The following CDKL5 variants were observed in gnomAD, a reference collection of about 807,000 sequenced individuals.
CDKL5 encodes the protein cyclin-dependent kinase-like 5.
In CDKL5, 8 loss-of-function variants were observed where a neutral mutation model predicts 61.7. That is an observed-to-expected ratio of 0.13 (90% confidence interval 0.08 to 0.23). The LOEUF (loss-of-function observed/expected upper bound fraction) is 0.23, where lower values mean the gene tolerates loss of function less well. Among genes scored for constraint, CDKL5 ranks in the 10% least tolerant of loss-of-function variants. The pLI is 1.00. For missense variants in CDKL5, 440 were observed against 734.5 expected, an observed-to-expected ratio of 0.60 and a Z score of 4.63; for synonymous variants, 275 against 272.3, an observed-to-expected ratio of 1.01 and a Z score of -0.10.
intron 3 of CDKL5, among the ~76,000 whole-genome samples, chrX:18,523,730 T>G (rs1001600492): frequency 8.9e-6 from 1 of 111,751 alleles, no homozygotes; most frequent in African/African-American, 3.3e-5. Context: ...CCACATTTTG[T>G]TTATCCATTT....
intron 1 of CDKL5, among the ~76,000 whole-genome samples, chrX:18,496,424 G>T (rs975938666): frequency 9.9e-5 from 11 of 111,436 alleles, no homozygotes; most frequent in African/African-American, 3.6e-4. Flanking sequence ...TGGAGGCCAA[G>T]GTTCTTGTTA....
intron 1 of CDKL5, among the ~76,000 whole-genome samples, chrX:18,481,911 G>A (rs1439214466): frequency 9.1e-6 from 1 of 110,381 alleles, no homozygotes; most frequent in African/African-American, 3.3e-5. Context: ...GGGTGGCAGG[G>A]GATGTGAAAT....
At chrX:18,467,139 G>A (rs1260591130) in intron 1 of CDKL5, among the ~76,000 whole-genome samples, 1 of 110,774 alleles carries the variant, frequency 9.0e-6, no homozygotes, top group Non-Finnish European at 1.9e-5. Context: ...AGCATACCCC[G>A]AGAATGACCC....
At chrX:18,568,308 G>A (rs1441499838) in intron 4 of CDKL5, among the ~76,000 whole-genome samples, 1 of 112,093 alleles carries the variant, frequency 8.9e-6, no homozygotes, top group African/African-American at 3.2e-5. Context: ...AAAAATGTTT[G>A]TGAAACTATA....
chrX:18,643,339 A>G (rs1384322757), downstream of CDKL5, among the ~76,000 whole-genome samples: 1 of 111,192 alleles, frequency 9.0e-6, no homozygotes, highest in African/African-American at 3.3e-5. Context: ...CTGGTCTGCC[A>G]TGTTCTTGCC....
At chrX:18,647,542 C>T (rs1927837188) in intron 20 of CDKL5, 1 of 432,055 alleles carries the variant, frequency 2.3e-6, no homozygotes, top group Non-Finnish European at 4.0e-6. Flanking sequence ...AAGGAATTGC[C>T]ATAGAGACTC....
rs1355270895 is a variant in CDKL5, at chrX:18,498,128, T to A, written c.-162-8807T>A. On this transcript the variant is annotated intron_variant, in intron 1 of 17. Coordinates refer to ENST00000623535, the MANE Select transcript of CDKL5 (RefSeq NM_001323289.2). ...AGCCTTCCAAAATGCCGGGCTGCCA[T>A]ATGTCTTTTCTCAATCTCAGTCCCT... 5.4e-5 allele frequency among the ~76,000 whole-genome samples: 6 copies of A among 111,189 alleles called. No individual in the cohort carries two copies. The South Asian group carries it at 1.1e-3, about 21-fold the overall frequency.
chrX:18,633,709 C>G lies in CDKL5; in HGVS notation c.*4952C>G. The G allele has an allele frequency of 1.3e-6, 1 of 747,481 alleles. No homozygotes were observed. The highest frequency in any genetic ancestry group is 6.8e-5 in the South Asian group (1 of 14,611). The allele number at this position is 747,481 out of a possible 1,213,427, so 61.6% of individuals were successfully genotyped here. ...GCCCCCTTCGATTCTTTTTTTTTTT[C>G]TTTGTGAATTGAATGTACGATACAA... On this transcript the variant is annotated 3_prime_UTR_variant, in exon 18 of 18. Transcript: ENST00000623535.
chrX:18,647,585 C>G, intron 20 of CDKL5: 1 of 385,911 alleles, frequency 2.6e-6, no homozygotes, highest in Admixed American at 4.3e-5. Flanking sequence ...GGAAGTGGCT[C>G]TATGGCAACT....
chrX:18,633,661 G>C lies in CDKL5; in HGVS notation c.*4904G>C, dbSNP rs921370328. On this transcript the variant is annotated 3_prime_UTR_variant, in exon 18 of 18. Coordinates refer to ENST00000623535, the MANE Select transcript of CDKL5 (RefSeq NM_001323289.2). ...ACACGCAATGTGGGAGAAGTGGGGT[G>C]GCTAGGAAACTCTGGGCCTGCTGCC... 1.3e-6 allele frequency: 1 copy of C among 752,963 alleles called. No individual in the cohort carries two copies. Among genetic ancestry groups the C allele is most frequent in the Admixed American group, 8.7e-5 (1 of 11,498 alleles). 62.1% of individuals were successfully genotyped at this position (752,963 alleles called of 1,213,427 possible).
At chrX:18,440,079 G>A (rs1931703857) in intron 1 of CDKL5, among the ~76,000 whole-genome samples, 1 of 110,817 alleles carries the variant, frequency 9.0e-6, no homozygotes, top group African/African-American at 3.3e-5. Flanking sequence ...ATCTGTGGCA[G>A]TTTCTTAAAA....
chrX:18,644,699 T>TC, downstream of CDKL5: 1 of 1,050,061 alleles, frequency 9.5e-7, no homozygotes, highest in Non-Finnish European at 1.3e-6. Flanking sequence ...GTGCTGGCTC[T>TC]CGAGGGGATG....
Position 18,638,998 on chromosome X carries a change from T to A in CDKL5, c.*10241T>A, listed in dbSNP as rs1392320126. Among the ~76,000 whole-genome samples, 8 of 111,995 alleles carry A rather than the reference T, an allele frequency of 7.1e-5. No individual in the cohort carries two copies. Among genetic ancestry groups the A allele is most frequent in the Non-Finnish European group, 1.5e-4 (8 of 53,239 alleles). On this transcript the variant is annotated 3_prime_UTR_variant, in exon 18 of 18. Coordinates refer to ENST00000623535, the MANE Select transcript of CDKL5 (RefSeq NM_001323289.2). ...AACTGGATATCCACATGCAAAAGAA[T>A]GACGTTGGACTCCTATTTCACACCA...
In CDKL5 at chrX:18,633,362, G is replaced by A; in HGVS notation, c.*4605G>A. 2.7e-6 allele frequency: 2 copies of A among 753,893 alleles called. No individual in the cohort carries two copies. The highest frequency in any genetic ancestry group is 3.1e-6 in the Non-Finnish European group (2 of 639,035). 62.1% of individuals were successfully genotyped at this position (753,893 alleles called of 1,213,427 possible). ...AAGAACCACAATTGTTTTTGAAAGG[G>A]GACATAGAAAAGACAGTACAAAGGT... is the stretch of plus-strand genomic sequence containing the variant. On this transcript the variant is annotated 3_prime_UTR_variant, in exon 18 of 18. Transcript: ENST00000623535.
At chrX:18,555,424 C>G (rs1312333877) in intron 3 of CDKL5, among the ~76,000 whole-genome samples, 1 of 112,060 alleles carries the variant, frequency 8.9e-6, no homozygotes, top group Non-Finnish European at 1.9e-5. Context: ...TGGGCAGATT[C>G]ATTCGTAGTG....
chrX:18,566,228 T>C (rs1924965030), intron 4 of CDKL5, among the ~76,000 whole-genome samples: 1 of 112,065 alleles, frequency 8.9e-6, no homozygotes, highest in South Asian at 3.7e-4. Flanking sequence ...CTTGGCTCAC[T>C]GCAACCTCCA....
intron 1 of CDKL5, among the ~76,000 whole-genome samples, chrX:18,480,631 C>G (rs1921510410): frequency 1.8e-5 from 2 of 110,990 alleles, no homozygotes; most frequent in African/African-American, 3.3e-5. Context: ...TTTGTCAACT[C>G]TGACTCTCTC....
chrX:18,540,311 G>A (rs1923975880), intron 3 of CDKL5, among the ~76,000 whole-genome samples: 1 of 110,394 alleles, frequency 9.1e-6, no homozygotes, highest in African/African-American at 3.3e-5. Context: ...TGAGTAGCTG[G>A]GACCACAGGT....
intron 1 of CDKL5, among the ~76,000 whole-genome samples, chrX:18,494,814 A>G (rs1452045957): frequency 1.8e-5 from 2 of 112,229 alleles, no homozygotes; most frequent in Non-Finnish European, 3.8e-5. Context: ...TGATTTAATA[A>G]GGGGGGACTG....
Sources: gnomAD v4.1 joint callset for allele counts (sites outside exome capture counted in the v4.1 genomes callset) on GRCh38, gnomAD v4.1.1 for gene constraint, MANE v1.5 for transcripts, NCBI Gene and HGNC (gene_info 2026-07-23, HGNC 2026-07-21) for gene names.